Variants in RAB10 observed in about 807,000 individuals in gnomAD.
The protein encoded by RAB10 is RAB10, member RAS oncogene family.
RAB10 carries 5 observed loss-of-function variants against 25.7 expected under a neutral mutation model. That is an observed-to-expected ratio of 0.19 (90% CI 0.10 to 0.41). RAB10 has a LOEUF of 0.41. RAB10 is among the 10% of genes least tolerant of loss of function. The probability of loss-of-function intolerance (pLI) is 1.00; values close to 1 mark genes in which losing one functional copy is unlikely to be tolerated. For missense variants in RAB10, 103 were observed against 245.8 expected (o/e 0.42, Z 3.89); for synonymous variants, 89 against 86.4 (o/e 1.03, Z -0.16).
intron 3 of RAB10, among the ~76,000 whole-genome samples, chr2:26,111,403 G>A (rs913621810): frequency 9.9e-5 from 15 of 152,040 alleles, no homozygotes; most frequent in African/African-American, 3.1e-4. Context: ...TCAGGAGTTC[G>A]AGACCAGCCT....
chr2:26,044,270 T>C (rs1202673143), intron 1 of RAB10, among the ~76,000 whole-genome samples: 1 of 152,218 alleles, frequency 6.6e-6, no homozygotes. Flanking sequence ...AGACGGCCCC[T>C]CCTGTTCCAG....
At chr2:26,070,044 T>C (rs913932790) in intron 1 of RAB10, among the ~76,000 whole-genome samples, 4 of 152,128 alleles carry the variant, frequency 2.6e-5, no homozygotes, top group African/African-American at 9.7e-5. Context: ...TTGGGGGAGG[T>C]GTGTGTGTGT....
chr2:26,116,127 A>G (rs568552294), intron 3 of RAB10, among the ~76,000 whole-genome samples: 2 of 152,222 alleles, frequency 1.3e-5, no homozygotes, highest in East Asian at 3.9e-4. Flanking sequence ...TTGGCCTCCC[A>G]AAGTGCTGGG....
chr2:26,130,598 C>G (rs60627078), intron 5 of RAB10, among the ~76,000 whole-genome samples: 2,280 of 152,152 alleles, frequency 0.015, 40 homozygotes, highest in African/African-American at 0.04. Context: ...GACACATCAC[C>G]ATCCCTCACT....
intron 3 of RAB10, among the ~76,000 whole-genome samples, chr2:26,114,455 G>A (rs1667641558): frequency 6.6e-6 from 1 of 152,142 alleles, no homozygotes; most frequent in Non-Finnish European, 1.5e-5. Context: ...ATGGTCAGTT[G>A]ACTTTTAACA....
At chr2:26,070,422 T>G (rs906798054) in intron 1 of RAB10, among the ~76,000 whole-genome samples, 2 of 152,204 alleles carry the variant, frequency 1.3e-5, no homozygotes, top group Admixed American at 1.3e-4. Flanking sequence ...GTGACTATCT[T>G]TTTGAACCTC....
intron 2 of RAB10, among the ~76,000 whole-genome samples, chr2:26,107,910 A>G (rs1019120266): frequency 2.6e-5 from 4 of 152,206 alleles, no homozygotes; most frequent in Non-Finnish European, 4.4e-5. Flanking sequence ...CACATGAAAA[A>G]ATGTTCACCA....
At chr2:26,099,257 G>A (rs1029747912) in intron 2 of RAB10, among the ~76,000 whole-genome samples, 5 of 152,012 alleles carry the variant, frequency 3.3e-5, no homozygotes, top group African/African-American at 1.2e-4. Flanking sequence ...AAAGGACCCT[G>A]TGAAATCTGT....
chr2:26,037,563 C>T (rs1043708273), intron 1 of RAB10, among the ~76,000 whole-genome samples: 2 of 151,716 alleles, frequency 1.3e-5, no homozygotes, highest in African/African-American at 2.4e-5. Flanking sequence ...CGCTTGAACC[C>T]GGGAGACAGA....
chr2:26,062,714 A>G (rs1024212890), intron 1 of RAB10, among the ~76,000 whole-genome samples: 1 of 152,008 alleles, frequency 6.6e-6, no homozygotes, highest in Admixed American at 6.6e-5. Flanking sequence ...AAAGGAAAGG[A>G]AAAAAACCCT....
intron 1 of RAB10, among the ~76,000 whole-genome samples, chr2:26,051,038 A>C (rs970633050): frequency 6.6e-6 from 1 of 152,002 alleles, no homozygotes; most frequent in Non-Finnish European, 1.5e-5. Flanking sequence ...CCTGGGTTCA[A>C]GTGATCTTCC....
chr2:26,125,242 TCTCCACATC>T (rs2149289032), intron 3 of RAB10, among the ~76,000 whole-genome samples: 1 of 152,286 alleles, frequency 6.6e-6, no homozygotes, highest in Non-Finnish European at 1.5e-5. Flanking sequence ...GGTGTCGGTT[TCTCCACATC>T]CTCGCCAATA....
intron 1 of RAB10, among the ~76,000 whole-genome samples, chr2:26,045,133 TGTG>T (rs1665970073): frequency 6.6e-6 from 1 of 152,130 alleles, no homozygotes; most frequent in African/African-American, 2.4e-5. Flanking sequence ...TTTCAAGAAT[TGTG>T]GTGTATAATG....
intron 3 of RAB10, among the ~76,000 whole-genome samples, chr2:26,120,195 G>T (rs1484911069): frequency 6.6e-6 from 1 of 152,158 alleles, no homozygotes; most frequent in African/African-American, 2.4e-5. Context: ...CATGTTAGTG[G>T]CTCTGGTAAC....
intron 1 of RAB10, among the ~76,000 whole-genome samples, chr2:26,047,690 G>C (rs1257545054): frequency 6.7e-6 from 1 of 149,724 alleles, no homozygotes; most frequent in Non-Finnish European, 1.5e-5. Flanking sequence ...CCAAAGTGTT[G>C]GGATTACAGG....
intron 1 of RAB10, among the ~76,000 whole-genome samples, chr2:26,058,553 G>A (rs1218793701): frequency 6.6e-6 from 1 of 151,970 alleles, no homozygotes; most frequent in East Asian, 1.9e-4. Context: ...GTATACCACC[G>A]TACTGTGCCC....
intron 1 of RAB10, among the ~76,000 whole-genome samples, chr2:26,073,215 C>T (rs1666664816): frequency 1.3e-5 from 2 of 152,150 alleles, no homozygotes; most frequent in Non-Finnish European, 2.9e-5. Flanking sequence ...GGATTTAATG[C>T]AGGAATTGTT....
At chr2:26,089,962 A>G (rs1020991665) in intron 1 of RAB10, among the ~76,000 whole-genome samples, 1 of 152,012 alleles carries the variant, frequency 6.6e-6, no homozygotes, top group Admixed American at 6.6e-5. Context: ...TCTCTTCTTT[A>G]TCTCATGTAG....
upstream of RAB10, among the ~76,000 whole-genome samples, chr2:26,033,937 C>T (rs571886451): frequency 6.6e-6 from 1 of 152,338 alleles, no homozygotes; most frequent in Admixed American, 6.5e-5. Context: ...CCCTTCTCCC[C>T]TCTGGGTCCA....
Sources: gnomAD v4.1 joint callset for allele counts (sites outside exome capture counted in the v4.1 genomes callset) on GRCh38, gnomAD v4.1.1 for gene constraint, MANE v1.5 for transcripts, NCBI Gene and HGNC (gene_info 2026-07-23, HGNC 2026-07-21) for gene names.